Variants in CTIF observed in about 807,000 individuals in gnomAD.
CTIF encodes the protein cap binding complex dependent translation initiation factor.
Under a neutral mutation model 66.0 loss-of-function variants are expected in CTIF, and 21 were observed. The ratio of observed to expected loss-of-function variants is 0.32; its 90% CI spans 0.23 to 0.46. The LOEUF is 0.46. Among genes scored for constraint, CTIF ranks in the 20% least tolerant of loss-of-function variants. The pLI is 1.00. For missense variants in CTIF, 739 were observed against 812.7 expected, an observed-to-expected ratio of 0.91 and a Z score of 1.10; for synonymous variants, 345 against 326.4, an observed-to-expected ratio of 1.06 and a Z score of -0.62.
intron 8 of CTIF, among the ~76,000 whole-genome samples, chr18:48,758,764 G>A (rs946796881): frequency 1.3e-5 from 2 of 152,204 alleles, no homozygotes; most frequent in Non-Finnish European, 2.9e-5. Flanking sequence ...TATTGTTTGT[G>A]CTGAAGAGCA....
chr18:48,645,974 A>T (rs528472393), intron 3 of CTIF, among the ~76,000 whole-genome samples: 1 of 152,350 alleles, frequency 6.6e-6, no homozygotes, highest in South Asian at 2.1e-4. Context: ...CTCATGAGCT[A>T]ACATGAAAAT....
chr18:48,825,963 T>G (rs1258775341), intron 10 of CTIF: 2 of 152,202 alleles, frequency 1.3e-5, no homozygotes, highest in Non-Finnish European at 2.9e-5. Context: ...CTAGGTGCAT[T>G]CAGTGAGCAT....
chr18:48,796,948 G>C (rs756314919), intron 9 of CTIF, among the ~76,000 whole-genome samples: 13 of 152,022 alleles, frequency 8.6e-5, no homozygotes, highest in Non-Finnish European at 1.6e-4. Flanking sequence ...TTTTCTGACA[G>C]CTGGAATCAC....
intron 9 of CTIF, among the ~76,000 whole-genome samples, chr18:48,801,646 A>G (rs545727249): frequency 6.6e-6 from 1 of 152,232 alleles, no homozygotes; most frequent in Non-Finnish European, 1.5e-5. Flanking sequence ...TAAATAGCTT[A>G]GTAACGCCTG....
intron 7 of CTIF, among the ~76,000 whole-genome samples, chr18:48,718,795 C>T (rs1292566791): frequency 6.6e-6 from 1 of 152,192 alleles, no homozygotes; most frequent in Non-Finnish European, 1.5e-5. Context: ...CTCCAGGATT[C>T]CTCAGACATG....
chr18:48,606,390 C>T (rs1319957261), intron 1 of CTIF, among the ~76,000 whole-genome samples: 1 of 152,186 alleles, frequency 6.6e-6, no homozygotes, highest in African/African-American at 2.4e-5. Context: ...GCATACTGTT[C>T]CAGGGTCCCC....
intron 7 of CTIF, among the ~76,000 whole-genome samples, chr18:48,740,756 G>A (rs1307541672): frequency 1.3e-5 from 2 of 152,128 alleles, no homozygotes; most frequent in Non-Finnish European, 2.9e-5. Flanking sequence ...TGGAAGGAGT[G>A]GACTCCAGCT....
At chr18:48,637,529 C>T (rs892354361) in intron 3 of CTIF, among the ~76,000 whole-genome samples, 21 of 152,192 alleles carry the variant, frequency 1.4e-4, no homozygotes, top group Admixed American at 5.2e-4. Context: ...GTTTCAGAGC[C>T]GCTGCAGTCA....
intron 7 of CTIF, among the ~76,000 whole-genome samples, chr18:48,739,395 G>A (rs1015339575): frequency 6.6e-6 from 1 of 152,242 alleles, no homozygotes; most frequent in Admixed American, 6.5e-5. Context: ...CCTGCCTGAT[G>A]GGCCACTGCG....
intron 1 of CTIF, among the ~76,000 whole-genome samples, chr18:48,569,678 A>G (rs1599158834): frequency 6.6e-6 from 1 of 151,976 alleles, no homozygotes; most frequent in Admixed American, 6.6e-5. Context: ...ATTTTGCTGA[A>G]CCCTCCTCCT....
intron 1 of CTIF, among the ~76,000 whole-genome samples, chr18:48,545,586 A>C (rs1246627093): frequency 6.6e-6 from 1 of 151,266 alleles, no homozygotes; most frequent in Non-Finnish European, 1.5e-5. Flanking sequence ...GCAGCTCTTA[A>C]CTCAGGTGCG....
At chr18:48,617,710 A>G (rs958630196) in intron 1 of CTIF, among the ~76,000 whole-genome samples, 2 of 152,188 alleles carry the variant, frequency 1.3e-5, no homozygotes, top group African/African-American at 4.8e-5. Context: ...TGCATAGCCC[A>G]ATCCCAGCTG....
chr18:48,777,857 G>T (rs998772840), intron 9 of CTIF, among the ~76,000 whole-genome samples: 13 of 152,202 alleles, frequency 8.5e-5, no homozygotes, highest in African/African-American at 2.7e-4. Context: ...AGAGCAGGCC[G>T]CAGCCTCATC....
intron 1 of CTIF, among the ~76,000 whole-genome samples, chr18:48,598,741 C>T (rs1381244536): frequency 3.3e-5 from 5 of 152,164 alleles, no homozygotes; most frequent in Non-Finnish European, 5.9e-5. Flanking sequence ...AGCATGATAG[C>T]ACCAATAAGG....
chr18:48,594,638 A>G (rs2089957084), intron 1 of CTIF, among the ~76,000 whole-genome samples: 1 of 152,266 alleles, frequency 6.6e-6, no homozygotes, highest in East Asian at 1.9e-4. Flanking sequence ...CACCAGGTGC[A>G]CGTTGTGACC....
At chr18:48,766,506 T>C (rs1909553594) in intron 9 of CTIF, among the ~76,000 whole-genome samples, 1 of 152,212 alleles carries the variant, frequency 6.6e-6, no homozygotes, top group Admixed American at 6.5e-5. Context: ...ATGAGAATCA[T>C]GAGAACACAG....
At position 48,670,495 on chromosome 18, in the gene CTIF, C is replaced by A. The variant is rs546882020; in HGVS notation, c.432-174C>A. On this transcript the variant is annotated intron_variant, in intron 5 of 11. Coordinates refer to ENST00000256413, the MANE Select transcript of CTIF (RefSeq NM_014772.3). ...TTGCATTACGGGAGGACCCCCCCCCCACACACACACAGCTTCTCTAGGGCT... is the reference window on the plus strand; with the variant it reads ...TTGCATTACGGGAGGACCCCCCCCCAACACACACACAGCTTCTCTAGGGCT... 5.2e-3 allele frequency: 2,668 copies of A among 516,772 alleles called. 16 individuals are homozygous for A. The highest frequency in any genetic ancestry group is 7.7e-3 in the South Asian group (356 of 46,352). The allele number at this position is 516,772 out of a possible 1,614,324, so 32.0% of individuals were successfully genotyped here. A position where few individuals can be genotyped will look rare whatever the true frequency, so the allele number is the denominator to read the frequency against.
rs139896634 is a variant in CTIF at position 48,701,221 on chromosome 18, T to G, written c.508-10398T>G. Among the ~76,000 whole-genome samples the G allele has an allele frequency of 2.4e-3, 364 of 152,280 alleles. 1 individual carries two copies. The highest frequency in any genetic ancestry group is 7.5e-3 in the African/African-American group (311 of 41,536). ...AACTCTCATTCCTCATGGCCCTTTG[T>G]ACCTCTCACATTTCTTGGGCGTCTT... On this transcript the variant is annotated intron_variant, in intron 6 of 11. Coordinates refer to ENST00000256413, the MANE Select transcript of CTIF (RefSeq NM_014772.3).
rs34736291 is a variant in CTIF at position 48,722,206 on chromosome 18, C to CTTTTT, written c.584+10531_584+10535dup. On this transcript the variant is annotated intron_variant, in intron 7 of 11. Coordinates refer to ENST00000256413, the MANE Select transcript of CTIF (RefSeq NM_014772.3). ...TAAGCCTCATACTCCTGGCCCTGTG[C>CTTTTT]TTTTTTTTTTTTTTTTTTTTTTTTG... is the stretch of plus-strand genomic sequence containing the variant. Among the ~76,000 whole-genome samples, 80 of 81,072 alleles carry CTTTTT rather than the reference C, an allele frequency of 9.9e-4. 1 individual carries two copies. Among genetic ancestry groups the CTTTTT allele is most frequent in the Non-Finnish European group, 1.1e-3 (48 of 45,224 alleles). The allele number at this position is 81,072 out of a possible 152,430, so 53.2% of individuals were successfully genotyped here. A position where few individuals can be genotyped will look rare whatever the true frequency, so the allele number is the denominator to read the frequency against.
Sources: gnomAD v4.1 joint callset for allele counts (sites outside exome capture counted in the v4.1 genomes callset) on GRCh38, gnomAD v4.1.1 for gene constraint, MANE v1.5 for transcripts, NCBI Gene and HGNC (gene_info 2026-07-23, HGNC 2026-07-21) for gene names.